RAD21L1: variants seen among roughly 807,000 people sequenced by gnomAD.
RAD21L1 encodes the protein RAD21 cohesin complex component like 1.
A neutral mutation model predicts 69.0 loss-of-function variants in RAD21L1; 47 were observed. The observed-to-expected ratio is 0.68, with a 90% CI of 0.54 to 0.87. The LOEUF (loss-of-function observed/expected upper bound fraction) is 0.87, where lower values mean the gene tolerates loss of function less well. Ranked by LOEUF, RAD21L1 falls within the 40% of genes least tolerant of loss-of-function variation. RAD21L1 has a pLI of 0.00. For missense variants in RAD21L1, 583 were observed against 647.6 expected, an observed-to-expected ratio of 0.90 and a Z score of 1.08; for synonymous variants, 177 against 205.8, an observed-to-expected ratio of 0.86 and a Z score of 1.20.
intron 5 of RAD21L1, 79 bp from the exon 6 acceptor site, chr20:1,237,965 T>C (rs73890806): frequency 0.08 from 57,023 of 712,498 alleles, 2,551 homozygotes; most frequent in Admixed American, 0.13. Context: ...AAGATTATGC[T>C]AGATGATATC....
intron 13 of RAD21L1, among the ~76,000 whole-genome samples, chr20:1,251,340 G>A (rs577314242): frequency 5.5e-4 from 81 of 148,410 alleles, no homozygotes; most frequent in African/African-American, 1.7e-3. Context: ...TTATTATCCC[G>A]GGCACTCTGG....
chr20:1,243,713 T>G (rs992337593), intron 10 of RAD21L1, among the ~76,000 whole-genome samples: 1 of 152,176 alleles, frequency 6.6e-6, no homozygotes, highest in South Asian at 2.1e-4. Flanking sequence ...GAGCTTCCAC[T>G]TCCTGATCAC....
In RAD21L1 at chr20:1,246,246, G is replaced by GA; in HGVS notation, c.1344dup (p.Ser449IlefsTer6). The GA allele has an allele frequency of 6.5e-7, 1 of 1,541,370 alleles. No homozygotes were observed. ...TGAAATGGTGTCTTTAGCTGCTGAG[G>GA]AATCATCTTTAATGAATGACTTATT... is the stretch of plus-strand genomic sequence containing the variant. On this transcript the variant is annotated frameshift_variant, in exon 12 of 14. Coordinates refer to ENST00000683101, the MANE Select transcript of RAD21L1 (RefSeq NM_001384355.1). LOFTEE classifies it high-confidence loss of function. This position sits in a 1 kb window ranked among gnomAD's most constrained non-coding sequence, Gnocchi z 4.6.
intron 13 of RAD21L1, among the ~76,000 whole-genome samples, chr20:1,253,158 A>AC (rs1276826859): frequency 6.6e-6 from 1 of 152,244 alleles, no homozygotes; most frequent in Non-Finnish European, 1.5e-5. Flanking sequence ...ATAAAGTATG[A>AC]CAAAGTATTT....
chr20:1,242,752 T>C lies in RAD21L1; in HGVS notation c.990T>C (p.Pro330=). The change falls in exon 9 of 14, where the codon CCT becomes CCC. Residue 330 remains proline (P), a synonymous_variant. Transcript: ENST00000683101. ...TCATGGTTTTGGAACTTGCACCTCC[T>C]ACCCAAAGATTGATGATGTGGAAGA... The part of the protein sequence containing the change: ...DTLMVLELAP[P]TQRLMMWKKR... 6.4e-7 allele frequency: 1 copy of C among 1,551,616 alleles called. No individual in the cohort carries two copies. The highest frequency in any genetic ancestry group is 8.7e-7 in the Non-Finnish European group (1 of 1,146,888).
At chr20:1,241,688 C>T (rs2087610311) in intron 8 of RAD21L1, among the ~76,000 whole-genome samples, 1 of 152,114 alleles carries the variant, frequency 6.6e-6, no homozygotes, top group Admixed American at 6.6e-5. Context: ...AGGGCTCCAG[C>T]TTACATAGCC....
chr20:1,254,111 A>G (rs1312866623), intron 13 of RAD21L1, among the ~76,000 whole-genome samples, 158 bp from the exon 14 acceptor site: 4 of 152,094 alleles, frequency 2.6e-5, no homozygotes, highest in Non-Finnish European at 5.9e-5. Context: ...TGTTGTTTTT[A>G]TGTTTACTAA....
intron 5 of RAD21L1, among the ~76,000 whole-genome samples, chr20:1,237,312 G>A (rs2087518690): frequency 1.3e-5 from 2 of 152,152 alleles, no homozygotes; most frequent in South Asian, 4.1e-4. Context: ...GTGATTGTCA[G>A]GATGCAGGCT....
chr20:1,249,861 T>C (rs969336928), intron 13 of RAD21L1, among the ~76,000 whole-genome samples: 2 of 152,232 alleles, frequency 1.3e-5, no homozygotes, highest in Non-Finnish European at 2.9e-5. Context: ...TTTTTTCTTT[T>C]TTTTATTATT....
At chr20:1,244,450 T>C (rs1355273250) in intron 11 of RAD21L1, among the ~76,000 whole-genome samples, 1 of 152,176 alleles carries the variant, frequency 6.6e-6, no homozygotes, top group Non-Finnish European at 1.5e-5. Context: ...AACCTAGTTA[T>C]ATGCTGAGAA....
intron 3 of RAD21L1, chr20:1,230,694 T>C (rs1166970342): frequency 2.0e-6 from 1 of 492,094 alleles, no homozygotes; most frequent in Admixed American, 6.4e-5. Flanking sequence ...TCAACATTTG[T>C]TGAATCAGGA....
intron 4 of RAD21L1, among the ~76,000 whole-genome samples, chr20:1,232,974 C>T (rs1225909655): frequency 6.6e-6 from 1 of 152,086 alleles, no homozygotes. Flanking sequence ...TTTTCTTGTC[C>T]CTTCCACTGT....
intron 11 of RAD21L1, among the ~76,000 whole-genome samples, chr20:1,244,587 A>G (rs1468277269): frequency 1.3e-5 from 2 of 152,134 alleles, no homozygotes; most frequent in Non-Finnish European, 2.9e-5. Flanking sequence ...AGACCCACCA[A>G]TTCCTTGGCC....
chr20:1,243,933 A>T, intron 10 of RAD21L1, 113 bp from the exon 11 acceptor site: 2 of 902,982 alleles, frequency 2.2e-6, no homozygotes, highest in African/African-American at 1.7e-5. Flanking sequence ...TCCTTTGCTT[A>T]AATTCTTGGA....
intron 13 of RAD21L1, among the ~76,000 whole-genome samples, chr20:1,249,454 A>G (rs1703256988): frequency 6.6e-6 from 1 of 152,344 alleles, no homozygotes; most frequent in Middle Eastern, 3.4e-3. Context: ...TCTGTCAGGT[A>G]AAAGTTCAAT....
chr20:1,243,955 C>G, intron 10 of RAD21L1, 91 bp from the exon 11 acceptor site: 2 of 1,125,156 alleles, frequency 1.8e-6, no homozygotes, highest in African/African-American at 1.6e-5. Flanking sequence ...CCCAACATGT[C>G]TGTCAGAAGT....
chr20:1,254,305 A>T lies in RAD21L1; in HGVS notation c.1516A>T (p.Met506Leu). 1 of 1,550,380 alleles carries T rather than the reference A, an allele frequency of 6.5e-7. No individual in the cohort carries two copies. The highest frequency in any genetic ancestry group is 8.7e-7 in the Non-Finnish European group (1 of 1,146,384). The change falls in exon 14 of 14, where the codon ATG becomes TTG. Residue 506 changes from methionine (M) to leucine (L), a missense_variant. Physicochemically the swap from Met to Leu is conservative, Grantham distance 15 (BLOSUM62 2). Coordinates refer to ENST00000683101, the MANE Select transcript of RAD21L1 (RefSeq NM_001384355.1). Reference protein sequence around the residue: ...NKMGMQSFSLMKLCRNSDRKQ... With the variant: ...NKMGMQSFSLLKLCRNSDRKQ... Reference sequence around the variant, plus strand: ...GATGGGAATGCAGTCCTTTAGTCTGATGAAGCTCTGTAGAAATAGTGACCG... The same window carrying T: ...GATGGGAATGCAGTCCTTTAGTCTGTTGAAGCTCTGTAGAAATAGTGACCG...
intron 13 of RAD21L1, among the ~76,000 whole-genome samples, chr20:1,253,571 A>G (rs1215711576): frequency 6.6e-6 from 1 of 152,158 alleles, no homozygotes; most frequent in Non-Finnish European, 1.5e-5. Context: ...TGCTGGGATT[A>G]CAGGCGTGAG....
At chr20:1,239,165 A>G (rs1191696234) in intron 6 of RAD21L1, 147 bp from the exon 7 acceptor site, 2 of 573,360 alleles carry the variant, frequency 3.5e-6, no homozygotes, top group Non-Finnish European at 6.1e-6. Flanking sequence ...GGCTGTTCCT[A>G]TCAAATCTTT....
Sources: gnomAD v4.1 joint callset for allele counts (sites outside exome capture counted in the v4.1 genomes callset) on GRCh38, gnomAD v4.1.1 for gene constraint, Gnocchi (gnomAD v3.1) non-coding constraint, MANE v1.5 for transcripts, NCBI Gene and HGNC (gene_info 2026-07-23, HGNC 2026-07-21) for gene names.